Variants in CROCC observed in about 807,000 individuals in gnomAD.
CROCC encodes the protein ciliary rootlet coiled-coil, rootletin, also known as rootletin.
In CROCC, 180 loss-of-function variants were observed where a neutral mutation model predicts 245.2. That is an observed-to-expected ratio of 0.73 (90% CI 0.65 to 0.83). The LOEUF is 0.83. Among genes scored for constraint, CROCC ranks in the 40% least tolerant of loss-of-function variants. CROCC has a pLI of 0.00. For missense variants in CROCC, 2,688 were observed against 2,779.4 expected, an observed-to-expected ratio of 0.97 and a Z score of 0.74; for synonymous variants, 1,205 against 1,241.6, an observed-to-expected ratio of 0.97 and a Z score of 0.62.
chr1:16,955,667 C>A, intron 24 of CROCC, 117 bp downstream of exon 24: 1 of 954,728 alleles, frequency 1.0e-6, no homozygotes, highest in Non-Finnish European at 1.5e-6. Context: ...GTCTCCTAAG[C>A]AGAGCCTGGC....
chr1:16,947,996 G>A (rs1298294084), intron 17 of CROCC, among the ~76,000 whole-genome samples: 4 of 152,242 alleles, frequency 2.6e-5, no homozygotes, highest in Non-Finnish European at 5.9e-5. Context: ...GCACCACCAC[G>A]CCCGGCTAAT....
At position 16,960,265 on chromosome 1, in the gene CROCC, C is replaced by T. The variant is rs28608597; in HGVS notation, c.4033-493C>T. Among the ~76,000 whole-genome samples, 542 of 152,098 alleles carry T rather than the reference C, an allele frequency of 3.6e-3. 5 individuals are homozygous for T. The highest frequency in any genetic ancestry group is 0.012 in the African/African-American group (507 of 41,482). On this transcript the variant is annotated intron_variant, in intron 26 of 36. Coordinates refer to ENST00000375541, the MANE Select transcript of CROCC (RefSeq NM_014675.5). ...TGGGTGACAGAGCTAGACTCTGTCT[C>T]CAAAAACAAACAAACAAAAACCCAC...
intron 30 of CROCC, among the ~76,000 whole-genome samples, chr1:16,967,774 C>T (rs1265747376): frequency 1.3e-5 from 2 of 152,158 alleles, no homozygotes; most frequent in Non-Finnish European, 2.9e-5. Context: ...AGCAGGGCCC[C>T]CTCAGAACTG....
rs376799203 is a variant in CROCC, at chr1:16,946,252, C to T, written c.2137-7C>T. ...CTTTCCTCATTTCTCGGGGCCTGAC[C>T]CTGCAGGCTGAGGCTGGCCGCGTGG... On this transcript the variant is annotated splice_region_variant and splice_polypyrimidine_tract_variant and intron_variant, in intron 15 of 36. Coordinates refer to ENST00000375541, the MANE Select transcript of CROCC (RefSeq NM_014675.5). 3.4e-5 allele frequency: 55 copies of T among 1,609,862 alleles called. No individual in the cohort carries two copies. The highest frequency in any genetic ancestry group is 3.9e-5 in the Non-Finnish European group (46 of 1,179,108).
Position 16,946,382 on chromosome 1 carries a change from G to T in CROCC, c.2260G>T (p.Asp754Tyr). The change falls in exon 16 of 37, where the codon GAT (aspartate) becomes TAT (tyrosine). Residue 754 changes from aspartate to tyrosine, a missense_variant. Around this residue, in one of 9 missense-constraint regions of CROCC, gnomAD observed 295 missense variants for 241.7 expected, o/e 1.22. Coordinates refer to ENST00000375541, the MANE Select transcript of CROCC (RefSeq NM_014675.5). ...LNESLAQDKL[D>Y]LNRLVAQLEE... ...CGAGAGCCTTGCTCAGGACAAGTTG[G>T]ATCTGAACCGCCTTGTCGCCCAGGT... 1 of 1,612,444 alleles carries T rather than the reference G, an allele frequency of 6.2e-7. No individual in the cohort carries two copies. Among genetic ancestry groups the T allele is most frequent in the Non-Finnish European group, 8.5e-7 (1 of 1,179,828 alleles).
At chr1:16,937,371 A>G (rs866450474) in intron 9 of CROCC, among the ~76,000 whole-genome samples, 6 of 152,178 alleles carry the variant, frequency 3.9e-5, no homozygotes, top group Middle Eastern at 3.2e-3. Flanking sequence ...AAAAACAAAA[A>G]AAAAGAACTC....
Position 16,936,795 on chromosome 1 carries a change from G to C in CROCC, c.1115G>C (p.Arg372Pro), listed in dbSNP as rs57442576. The C allele has an allele frequency of 6.2e-7, 1 of 1,609,680 alleles. No individual in the cohort carries two copies. Among genetic ancestry groups the C allele is most frequent in the Non-Finnish European group, 8.5e-7 (1 of 1,179,016 alleles). The change falls in exon 9 of 37, where the codon CGG (arginine) becomes CCG (proline). Residue 372 changes from arginine (R) to proline (P), a missense_variant. Physicochemically the swap from Arg to Pro is moderately radical, Grantham distance 103 (BLOSUM62 -2). Coordinates refer to ENST00000375541, the MANE Select transcript of CROCC (RefSeq NM_014675.5). Reference protein sequence around the residue: ...LLQAQLEEQLRDKVLREKDLA... With the variant: ...LLQAQLEEQLPDKVLREKDLA... ...CAGGCCCAGCTGGAGGAGCAGCTGCGGGACAAGGTGCTCCGCGAGAAGGAC... is the reference window on the plus strand; with the variant it reads ...CAGGCCCAGCTGGAGGAGCAGCTGCCGGACAAGGTGCTCCGCGAGAAGGAC...
chr1:16,961,009 G>A lies in CROCC; in HGVS notation c.4284G>A (p.Ala1428=). 1 of 1,304,098 alleles carries A rather than the reference G, an allele frequency of 7.7e-7. No homozygotes were observed. Among genetic ancestry groups the A allele is most frequent in the Non-Finnish European group, 9.7e-7 (1 of 1,033,202 alleles). The allele number at this position is 1,304,098 out of a possible 1,614,324, so 80.8% of individuals were successfully genotyped here. A position where few individuals can be genotyped will look rare whatever the true frequency, so the allele number is the denominator to read the frequency against. ...ELARVEVQRR[A]AEAQLGGLRS... ...CCCGCGTGGAGGTGCAGCGGCGCGC[G>A]GCGGAGGCCCAGCTGGGTGGCCTGC... The change falls in exon 27 of 37, where the codon GCG becomes GCA. Residue 1428 remains alanine (A), a synonymous_variant. Transcript: ENST00000375541.
In CROCC at chr1:16,971,579, C is replaced by G; in HGVS notation, c.5899C>G (p.Gln1967Glu). 6.5e-7 allele frequency: 1 copy of G among 1,534,228 alleles called. No individual in the cohort carries two copies. The highest frequency in any genetic ancestry group is 1.2e-5 in the South Asian group (1 of 83,776). Reference protein sequence around the residue: ...EVERLRSAQAQTERTLEARER... With the variant: ...EVERLRSAQAETERTLEARER... Reference sequence around the variant, plus strand: ...GGAGCGGCTGCGCAGCGCCCAGGCGCAGACTGAGCGCACCCTGGAGGCTCG... The same window carrying G: ...GGAGCGGCTGCGCAGCGCCCAGGCGGAGACTGAGCGCACCCTGGAGGCTCG... The change falls in exon 36 of 37, where the codon CAG (glutamine) becomes GAG (glutamate). Residue 1967 changes from glutamine (Q) to glutamate (E), a missense_variant. Coordinates refer to ENST00000375541, the MANE Select transcript of CROCC (RefSeq NM_014675.5).
Position 16,966,064 on chromosome 1 carries a change from C to T in CROCC, c.4641C>T (p.Asp1547=), listed in dbSNP as rs2076412658. 1 of 1,613,878 alleles carries T rather than the reference C, an allele frequency of 6.2e-7. No homozygotes were observed. The highest frequency in any genetic ancestry group is 2.2e-5 in the East Asian group (1 of 44,878). Residue 1547 remains aspartate (D), a synonymous_variant, in exon 29 of 37, where the codon GAC becomes GAT. Coordinates refer to ENST00000375541, the MANE Select transcript of CROCC (RefSeq NM_014675.5). This position sits in a 1 kb window ranked among gnomAD's most constrained non-coding sequence, Gnocchi z 4.8. ...TGGCCGAGATGGAGGCTGAGAGGGA[C>T]AGCGCAACCTCGAGGGCCAGGCAGC... The part of the protein sequence containing the change: ...RQLAEMEAER[D]SATSRARQLQ...
intron 23 of CROCC, among the ~76,000 whole-genome samples, chr1:16,955,106 C>T (rs2076227358): frequency 6.6e-6 from 1 of 152,160 alleles, no homozygotes. Context: ...TGGTGTTGTG[C>T]TCAGGACAGT....
intron 28 of CROCC, 22 bp from the exon 29 acceptor site, chr1:16,965,977 T>C (rs199664262): frequency 3.4e-4 from 551 of 1,609,332 alleles, no homozygotes; most frequent in Non-Finnish European, 4.3e-4. Flanking sequence ...TCTGTCTTTG[T>C]TCCCCCATGT....
chr1:16,934,666 A>C (rs1376304353), intron 8 of CROCC, among the ~76,000 whole-genome samples: 7 of 152,266 alleles, frequency 4.6e-5, no homozygotes, highest in Admixed American at 2.0e-4. Flanking sequence ...TTTACTTTTG[A>C]TTAAGTCACA....
At chr1:16,927,258 C>T (rs563955846) in intron 3 of CROCC, among the ~76,000 whole-genome samples, 1 of 152,348 alleles carries the variant, frequency 6.6e-6, no homozygotes, top group East Asian at 1.9e-4. Context: ...ACAGAACAGT[C>T]CCCCCACCAC....
Position 16,929,874 on chromosome 1 carries a change from G to C in CROCC, c.380G>C (p.Gly127Ala). Residue 127 changes from glycine to alanine, a missense_variant, in exon 4 of 37, where the codon GGG becomes GCG. Gly to Ala is a moderately conservative substitution (Grantham distance 60). This residue lies in a region of CROCC where 972 missense variants were observed against 895.3 expected (regional missense o/e 1.09). Coordinates refer to ENST00000375541, the MANE Select transcript of CROCC (RefSeq NM_014675.5). ...RLEQALRLEP[G>A]ELETQEPRGL... The stretch of plus-strand genomic sequence containing the variant: ...GAGCAGGCTCTGCGGCTGGAGCCTG[G>C]GGAGCTGGAGACGCAGGAGCCCAGG... 6.3e-7 allele frequency: 1 copy of C among 1,578,990 alleles called. No homozygotes were observed. Among genetic ancestry groups the C allele is most frequent in the Non-Finnish European group, 8.6e-7 (1 of 1,166,318 alleles).
chr1:16,955,465 G>A lies in CROCC; in HGVS notation c.3619G>A (p.Glu1207Lys), dbSNP rs780773742. Reference sequence around the variant, plus strand: ...AGGCGAGCTGCGACGCAGCCTGGGCGAGGGTGCCAAGGAGCGCGAGGCCCT... The same window carrying A: ...AGGCGAGCTGCGACGCAGCCTGGGCAAGGGTGCCAAGGAGCGCGAGGCCCT... ...EAGELRRSLGEGAKEREALRR... is the reference protein window; with the variant it reads ...EAGELRRSLGKGAKEREALRR... The change falls in exon 24 of 37, where the codon GAG becomes AAG. Residue 1207 changes from glutamate to lysine, a missense_variant. Transcript: ENST00000375541. 12 of 1,591,286 alleles carry A rather than the reference G, an allele frequency of 7.5e-6. No homozygotes were observed. In the East Asian group the frequency reaches 9.1e-5, roughly 12 times the overall value.
Position 16,938,998 on chromosome 1 carries a change from G to C in CROCC, c.1464G>C (p.Ser488=), listed in dbSNP as rs370391460. The change falls in exon 12 of 37, where the codon TCG becomes TCC. Residue 488 remains serine (S), a synonymous_variant. Coordinates refer to ENST00000375541, the MANE Select transcript of CROCC (RefSeq NM_014675.5). ...DASNGSLRGL[S]GQRTPSPPRR... is the part of the protein sequence containing the mutation. ...CCAACGGCAGCCTGCGGGGGCTCTC[G>C]GGCCAGCGGACCCCGTCCCCACCGC... The C allele has an allele frequency of 1.2e-6, 2 of 1,603,960 alleles. No individual in the cohort carries two copies. The highest frequency in any genetic ancestry group is 1.7e-6 in the Non-Finnish European group (2 of 1,176,878).
At chr1:16,947,342 G>C (rs1165129926) in intron 17 of CROCC, among the ~76,000 whole-genome samples, 1 of 152,210 alleles carries the variant, frequency 6.6e-6, no homozygotes, top group Non-Finnish European at 1.5e-5. Flanking sequence ...GGTGGCACGC[G>C]CCTGTAGTCC....
intron 3 of CROCC, among the ~76,000 whole-genome samples, chr1:16,925,040 C>A (rs1423451841): frequency 6.6e-6 from 1 of 152,282 alleles, no homozygotes; most frequent in Non-Finnish European, 1.5e-5. Context: ...GTGCTGCAGG[C>A]TTGTGGGGGT....
Sources: gnomAD v4.1 joint callset for allele counts (sites outside exome capture counted in the v4.1 genomes callset) on GRCh38, gnomAD v4.1.1 for gene constraint, gnomAD v4.1.1 regional missense constraint, Gnocchi (gnomAD v3.1) non-coding constraint, MANE v1.5 for transcripts, NCBI Gene and HGNC (gene_info 2026-07-23, HGNC 2026-07-21) for gene names.